MPI: variants seen among roughly 807,000 people sequenced by gnomAD.
MPI encodes the protein mannose-6-phosphate isomerase.
In MPI, 33 loss-of-function variants were observed where a neutral mutation model predicts 40.1. The observed-to-expected ratio is 0.82, with a 90% CI of 0.62 to 1.10. MPI has a LOEUF of 1.10. MPI is among the 50% of genes least tolerant of loss of function. The pLI is 0.00. For synonymous variants in MPI, 187 were observed against 207.4 expected (o/e 0.90, Z 0.85); for missense variants, 514 against 524.1 (o/e 0.98, Z 0.19).
Position 74,897,127 on chromosome 15 carries a change from G to A in MPI, c.961G>A (p.Asp321Asn). 1 of 1,614,176 alleles carries A rather than the reference G, an allele frequency of 6.2e-7. No homozygotes were observed. The highest frequency in any genetic ancestry group is 1.3e-5 in the African/African-American group (1 of 75,028). The change falls in exon 7 of 8, where the codon GAC becomes AAC. Residue 321 changes from aspartate to asparagine, a missense_variant. Asp to Asn is a conservative substitution (Grantham distance 23, BLOSUM62 1). Transcript: ENST00000352410. The part of the protein sequence containing the change: ...MLSYTPSSSK[D>N]RLFLPTRSQE... ...CAGCTATACCCCTAGCTCCAGCAAG[G>A]ACAGGCTCTTTCTCCCAACACGGAG...
Position 74,890,614 on chromosome 15 carries a change from A to T in MPI, c.104A>T (p.Asp35Val), listed in dbSNP as rs764648534. The T allele has an allele frequency of 1.2e-6, 2 of 1,614,076 alleles. No individual in the cohort carries two copies. The highest frequency in any genetic ancestry group is 1.7e-6 in the Non-Finnish European group (2 of 1,180,024). ...GTGGCGCGGCTGTTGGCCAGCAGTGATCCACTGGCCCAGATCGCAGAGGAC... is the reference window on the plus strand; with the variant it reads ...GTGGCGCGGCTGTTGGCCAGCAGTGTTCCACTGGCCCAGATCGCAGAGGAC... ...SEVARLLASS[D>V]PLAQIAEDKP... is the part of the protein sequence containing the mutation. Residue 35 changes from aspartate (D) to valine (V), a missense_variant, in exon 2 of 8, where the codon GAT (aspartate) becomes GTT (valine). Transcript: ENST00000352410.
rs190585158 is a variant in MPI, at chr15:74,894,760, C to T, written c.671-1392C>T. Among the ~76,000 whole-genome samples, 395 of 148,676 alleles carry T rather than the reference C, an allele frequency of 2.7e-3. 3 individuals carry two copies. The highest frequency in any genetic ancestry group is 9.4e-3 in the African/African-American group (380 of 40,308). On this transcript the variant is annotated intron_variant, in intron 5 of 7. Transcript: ENST00000352410. ...CTAGATTGCACCACTGCACTTCAGCCTGGGAGACAGAGCAAGACTCCGATT... is the reference window on the plus strand; with the variant it reads ...CTAGATTGCACCACTGCACTTCAGCTTGGGAGACAGAGCAAGACTCCGATT...
At chr15:74,894,446 T>A (rs2064786709) in intron 5 of MPI, among the ~76,000 whole-genome samples, 1 of 151,338 alleles carries the variant, frequency 6.6e-6, no homozygotes, top group Non-Finnish European at 1.5e-5. Context: ...TCCTAACACT[T>A]TGGGAGGTTG....
Position 74,890,509 on chromosome 15 carries a change from C to G in MPI, c.17-18C>G. 6.2e-7 allele frequency: 1 copy of G among 1,613,866 alleles called. No individual in the cohort carries two copies. Among genetic ancestry groups the G allele is most frequent in the Non-Finnish European group, 8.5e-7 (1 of 1,179,996 alleles). On this transcript the variant is annotated intron_variant, in intron 1 of 7. Transcript: ENST00000352410. ...GCCTGAGGAGTGGAGTGGCAGCTGA[C>G]CCTGTCTGTGCCCCTAGTATTCCCA...
At chr15:74,896,952 C>CA (rs1437324516) in intron 6 of MPI, 59 bp from the exon 7 acceptor site, 1 of 1,552,682 alleles carries the variant, frequency 6.4e-7, no homozygotes, top group Non-Finnish European at 8.9e-7. Flanking sequence ...TTAGGAGGCC[C>CA]AGAACTGGAG....
At position 74,901,130 on chromosome 15, in the gene MPI, T is replaced by C; in HGVS notation, c.*3400T>C. 1 of 152,190 alleles carries C rather than the reference T, an allele frequency of 6.6e-6. No individual in the cohort carries two copies. The highest frequency in any genetic ancestry group is 1.9e-4 in the East Asian group (1 of 5,194). The allele number at this position is 152,190 out of a possible 1,614,324, so 9.4% of individuals were successfully genotyped here. A position where few individuals can be genotyped will look rare whatever the true frequency, so the allele number is the denominator to read the frequency against. ...AGAACCTATACCCCAATCCCGACTATTGGGCTGGGAACCCTGTCTATGCCC... is the reference window on the plus strand; with the variant it reads ...AGAACCTATACCCCAATCCCGACTACTGGGCTGGGAACCCTGTCTATGCCC... On this transcript the variant is annotated 3_prime_UTR_variant, in exon 8 of 8. Coordinates refer to ENST00000352410, the MANE Select transcript of MPI (RefSeq NM_002435.3).
intron 6 of MPI, chr15:74,896,768 G>T: frequency 1.6e-6 from 1 of 622,704 alleles, no homozygotes; most frequent in Non-Finnish European, 2.9e-6. Context: ...GGTAGAAGTG[G>T]GAGACTACAG....
rs1217214859 is a variant in MPI at position 74,895,708 on chromosome 15, G to A, written c.671-444G>A. ...GTTCTCATACAGGGGACATTTGGCTGTTGTCTGGAGCCATTTTTTGATTGT... is the reference window on the plus strand; with the variant it reads ...GTTCTCATACAGGGGACATTTGGCTATTGTCTGGAGCCATTTTTTGATTGT... On this transcript the variant is annotated intron_variant, in intron 5 of 7. Transcript: ENST00000352410. 4 of 170,356 alleles carry A rather than the reference G, an allele frequency of 2.3e-5. No homozygotes were observed. In the East Asian group the frequency reaches 6.3e-4, roughly 27 times the overall value. 10.6% of individuals were successfully genotyped at this position (170,356 alleles called of 1,614,324 possible). A position where few individuals can be genotyped will look rare whatever the true frequency, so the allele number is the denominator to read the frequency against.
intron 5 of MPI, among the ~76,000 whole-genome samples, chr15:74,894,034 T>TGGTGGGTGG (rs2064766207): frequency 9.8e-6 from 1 of 102,090 alleles, no homozygotes; most frequent in Non-Finnish European, 2.6e-5. Flanking sequence ...TATTTTTTTC[T>TGGTGGGTGG]GTTCAGTGTG....
At chr15:74,897,347 T>C (rs111419267) in intron 7 of MPI, 128 bp downstream of exon 7, 31 of 1,331,940 alleles carry the variant, frequency 2.3e-5, no homozygotes, top group African/African-American at 2.2e-4. Context: ...CCCCAGGGCC[T>C]GCCCATTCCT....
chr15:74,892,239 G>A (rs957938048), intron 3 of MPI, among the ~76,000 whole-genome samples: 2 of 152,102 alleles, frequency 1.3e-5, no homozygotes, highest in African/African-American at 2.4e-5. Context: ...TAATCCGCTC[G>A]CCTCAGCCTC....
Position 74,897,794 on chromosome 15 carries a change from C to T in MPI, c.*64C>T, listed in dbSNP as rs908382973. On this transcript the variant is annotated 3_prime_UTR_variant, in exon 8 of 8. Transcript: ENST00000352410. ...TAAATTCCAGCCAACCTCACCTCCTCGGGCCCAGCTCAAGCCCCCTTCCTT... is the reference window on the plus strand; with the variant it reads ...TAAATTCCAGCCAACCTCACCTCCTTGGGCCCAGCTCAAGCCCCCTTCCTT... The T allele has an allele frequency of 3.1e-5, 47 of 1,499,786 alleles. No homozygotes were observed. Among genetic ancestry groups the T allele is most frequent in the Middle Eastern group, 2.3e-4 (1 of 4,398 alleles). 92.9% of individuals were successfully genotyped at this position (1,499,786 alleles called of 1,614,324 possible). A position where few individuals can be genotyped will look rare whatever the true frequency, so the allele number is the denominator to read the frequency against.
At chr15:74,895,633 A>C in intron 5 of MPI, 1 of 158,726 alleles carries the variant, frequency 6.3e-6, no homozygotes, top group Non-Finnish European at 1.4e-5. Flanking sequence ...GTTACCCTTC[A>C]TGAAACTCTT....
At chr15:74,894,099 TG>T (rs879435245) in intron 5 of MPI, among the ~76,000 whole-genome samples, 1,994 of 25,930 alleles carry the variant, frequency 0.077, 347 homozygotes, top group East Asian at 0.43. Flanking sequence ...TGTGTGTGTG[TG>T]TGTGTGTGGT....
At position 74,897,696 on chromosome 15, in the gene MPI, A is replaced by G. The variant is rs757104332; in HGVS notation, c.1238A>G (p.Asp413Gly). The change falls in exon 8 of 8, where the codon GAC becomes GGC. Residue 413 changes from aspartate (D) to glycine (G), a missense_variant. Transcript: ENST00000352410. ...TCACTGAAGCTTACTGAGCCGAAGGACCTGCTGATATTCCGTGCCTGCTGT... is the reference window on the plus strand; with the variant it reads ...TCACTGAAGCTTACTGAGCCGAAGGGCCTGCTGATATTCCGTGCCTGCTGT... Reference protein sequence around the residue: ...SVSLKLTEPKDLLIFRACCLL With the variant: ...SVSLKLTEPKGLLIFRACCLL 3.7e-6 allele frequency: 6 copies of G among 1,614,078 alleles called. No homozygotes were observed. Among genetic ancestry groups the G allele is most frequent in the Non-Finnish European group, 5.1e-6 (6 of 1,180,018 alleles).
intron 1 of MPI, 41 bp from the exon 2 acceptor site, chr15:74,890,486 C>CTGAGGAGTGGAGTGGCAGCTGACCCT: frequency 6.2e-7 from 1 of 1,613,488 alleles, no homozygotes; most frequent in Non-Finnish European, 8.5e-7. Context: ...AGGGTGGGGC[C>CTGAGGAGTGGAGTGGCAGCTGACCCT]TGAGGAGTGG....
chr15:74,891,049 T>G lies in MPI; in HGVS notation c.145-330T>G, dbSNP rs142458182. The G allele has an allele frequency of 1.0e-4, 59 of 570,978 alleles. No homozygotes were observed. In the East Asian group the frequency reaches 2.3e-3, roughly 23 times the overall value. 35.4% of individuals were successfully genotyped at this position (570,978 alleles called of 1,614,324 possible). ...AAACTGGAAGATGTATGTTAACCCC[T>G]GAAAGAATCATTTAAGAGTCATAGT... On this transcript the variant is annotated intron_variant, in intron 2 of 7. Coordinates refer to ENST00000352410, the MANE Select transcript of MPI (RefSeq NM_002435.3).
intron 3 of MPI, among the ~76,000 whole-genome samples, chr15:74,891,781 C>T (rs755566757): frequency 3.3e-5 from 5 of 152,234 alleles, no homozygotes; most frequent in South Asian, 4.1e-4. Flanking sequence ...AACAGCTCAC[C>T]GGCCTGTGCC....
chr15:74,892,989 G>A, intron 4 of MPI, 149 bp from the exon 5 acceptor site: 5 of 1,315,688 alleles, frequency 3.8e-6, no homozygotes, highest in South Asian at 2.5e-5. Flanking sequence ...AAGGGCTGGT[G>A]GTGAGTGATT....
Sources: allele counts gnomAD v4.1 joint callset (sites outside exome capture counted in the v4.1 genomes callset), GRCh38; gene constraint gnomAD v4.1.1; transcripts MANE v1.5; gene names NCBI Gene and HGNC (gene_info 2026-07-23, HGNC 2026-07-21).